Variants in DENND1A observed in about 807,000 individuals in gnomAD.
DENND1A encodes the protein DENN domain-containing protein 1A.
In DENND1A, 51 loss-of-function variants were observed where a neutral mutation model predicts 113.7. The observed-to-expected ratio is 0.45, with a 90% CI of 0.36 to 0.57. DENND1A has a LOEUF of 0.57. Ranked by LOEUF, DENND1A falls within the 20% of genes least tolerant of loss-of-function variation. DENND1A has a pLI of 0.00. For synonymous variants in DENND1A, 565 were observed against 570.8 expected (o/e 0.99, Z 0.14); for missense variants, 1,258 against 1,395.9 (o/e 0.90, Z 1.57).
At chr9:123,521,912 TG>T (rs953529309) in intron 13 of DENND1A, among the ~76,000 whole-genome samples, 6 of 152,204 alleles carry the variant, frequency 3.9e-5, no homozygotes, top group African/African-American at 1.4e-4. Context: ...TGACAACGCA[TG>T]GGAAGTGTCT....
At chr9:123,451,118 A>T (rs1369192105) in intron 17 of DENND1A, among the ~76,000 whole-genome samples, 1 of 152,072 alleles carries the variant, frequency 6.6e-6, no homozygotes, top group Non-Finnish European at 1.5e-5. Context: ...ATTCTATTTC[A>T]CCAGGGCAGG....
chr9:123,564,136 A>T (rs2057918598), intron 12 of DENND1A, among the ~76,000 whole-genome samples: 1 of 152,176 alleles, frequency 6.6e-6, no homozygotes, highest in Non-Finnish European at 1.5e-5. Context: ...TGTTGTATAA[A>T]CCATCATCCT....
chr9:123,563,189 C>T (rs1479733786), intron 12 of DENND1A, among the ~76,000 whole-genome samples: 1 of 152,166 alleles, frequency 6.6e-6, no homozygotes, highest in Admixed American at 6.5e-5. Flanking sequence ...CTGAATGAGT[C>T]AGAGGGAACA....
intron 2 of DENND1A, among the ~76,000 whole-genome samples, chr9:123,804,753 T>C (rs1835257362): frequency 6.6e-6 from 1 of 152,160 alleles, no homozygotes; most frequent in African/African-American, 2.4e-5. Flanking sequence ...ATATTCAAAT[T>C]CTGACCATTT....
rs117537406 is a variant in DENND1A, at chr9:123,525,042, C to G, written c.993+32528G>C. Among the ~76,000 whole-genome samples the G allele has an allele frequency of 8.5e-5, 13 of 152,314 alleles. No individual in the cohort carries two copies. The East Asian group carries it at 1.2e-3, about 14-fold the overall frequency. On this transcript the variant is annotated intron_variant, in intron 13 of 23. Coordinates refer to ENST00000394215, the MANE Select transcript of DENND1A (RefSeq NM_001352964.2). ...CGTTCCATAGCCCTTGGCTCACTAG[C>G]TTCTCTGACTACCTTGGGAAACAGG... is the stretch of plus-strand genomic sequence containing the variant.
chr9:123,748,613 T>C (rs1427647944), intron 5 of DENND1A, among the ~76,000 whole-genome samples: 1 of 152,212 alleles, frequency 6.6e-6, no homozygotes, highest in Non-Finnish European at 1.5e-5. Context: ...CTTAAGAGTG[T>C]AGCTTAGAAG....
At chr9:123,857,421 G>T (rs1301004941) in intron 2 of DENND1A, among the ~76,000 whole-genome samples, 2 of 152,104 alleles carry the variant, frequency 1.3e-5, no homozygotes, top group Admixed American at 1.3e-4. Flanking sequence ...AGTTTAATGA[G>T]AAATGGAATA....
chr9:123,440,771 T>A (rs771002006), intron 18 of DENND1A, among the ~76,000 whole-genome samples: 1 of 152,266 alleles, frequency 6.6e-6, no homozygotes, highest in Non-Finnish European at 1.5e-5. Context: ...CACAGCCATT[T>A]TCATTTTTAT....
intron 19 of DENND1A, among the ~76,000 whole-genome samples, chr9:123,431,390 C>A (rs999887839): frequency 6.6e-6 from 1 of 152,132 alleles, no homozygotes; most frequent in African/African-American, 2.4e-5. Context: ...TTAAGGAGGG[C>A]CTAAGATCTG....
At chr9:123,582,138 C>T (rs998431392) in intron 12 of DENND1A, among the ~76,000 whole-genome samples, 65 of 152,318 alleles carry the variant, frequency 4.3e-4, no homozygotes, top group African/African-American at 1.5e-3. Context: ...CGATACTCTA[C>T]CATGTTCTAG....
chr9:123,483,970 T>C (rs1445044432), intron 13 of DENND1A, among the ~76,000 whole-genome samples: 1 of 152,174 alleles, frequency 6.6e-6, no homozygotes, highest in Non-Finnish European at 1.5e-5. Context: ...AGCAAACGGG[T>C]TAGTGTCTCC....
At chr9:123,425,285 G>C (rs1218385536) in intron 19 of DENND1A, among the ~76,000 whole-genome samples, 1 of 152,208 alleles carries the variant, frequency 6.6e-6, no homozygotes, top group Non-Finnish European at 1.5e-5. Flanking sequence ...TCCCCGGCAG[G>C]GAGCTGGATT....
At chr9:123,866,619 T>C (rs1845827209) in intron 2 of DENND1A, among the ~76,000 whole-genome samples, 1 of 152,190 alleles carries the variant, frequency 6.6e-6, no homozygotes, top group Admixed American at 6.5e-5. Context: ...TGTTTGATTT[T>C]GGTTTGGAGT....
intron 1 of DENND1A, among the ~76,000 whole-genome samples, chr9:123,911,250 A>G (rs1407890455): frequency 2.6e-5 from 4 of 152,236 alleles, no homozygotes; most frequent in Non-Finnish European, 1.5e-5. Flanking sequence ...TTAATGGCTA[A>G]TAATATGGCT....
Position 123,381,690 on chromosome 9 carries a change from C to T in DENND1A, c.2955G>A (p.Leu985=), listed in dbSNP as rs758984905. ...CCCTGGCACTTGAGCGGGCCAGGGG[C>T]AACGTTCGGATCCTCGACGGGGCAA... ...PAVAPSRIRT[L]PLARSSARAA... is the part of the protein sequence containing the mutation. Residue 985 remains leucine (L), a synonymous_variant, in exon 24 of 24, where the codon TTG becomes TTA. Transcript: ENST00000394215. The surrounding 1 kb of genome is among the most constrained non-coding windows in gnomAD (Gnocchi z 4.7). 6.4e-7 allele frequency: 1 copy of T among 1,574,108 alleles called. No individual in the cohort carries two copies. The highest frequency in any genetic ancestry group is 1.9e-5 in the Admixed American group (1 of 53,146).
At chr9:123,676,823 G>C in intron 5 of DENND1A, 34 bp from the exon 6 acceptor site, 1 of 1,598,362 alleles carries the variant, frequency 6.3e-7, no homozygotes, top group Non-Finnish European at 8.6e-7. Context: ...TGAAATATTA[G>C]TATGCAGGTC....
chr9:123,510,631 A>T (rs974922118), intron 13 of DENND1A, among the ~76,000 whole-genome samples: 1 of 152,174 alleles, frequency 6.6e-6, no homozygotes, highest in African/African-American at 2.4e-5. Flanking sequence ...TTTAGACTCC[A>T]TACCACAGGC....
intron 3 of DENND1A, among the ~76,000 whole-genome samples, chr9:123,781,313 G>A (rs1247547024): frequency 6.6e-6 from 1 of 152,134 alleles, no homozygotes; most frequent in Non-Finnish European, 1.5e-5. Flanking sequence ...GGATGCTATG[G>A]CCACCAGAAT....
intron 2 of DENND1A, chr9:123,843,167 G>A (rs1489305150): frequency 3.6e-6 from 2 of 552,370 alleles, no homozygotes; most frequent in Non-Finnish European, 7.3e-6. Context: ...TGACATGGTT[G>A]TGCATATGTT....
Sources: gnomAD v4.1 joint callset for allele counts (sites outside exome capture counted in the v4.1 genomes callset) on GRCh38, gnomAD v4.1.1 for gene constraint, Gnocchi (gnomAD v3.1) non-coding constraint, MANE v1.5 for transcripts, NCBI Gene and HGNC (gene_info 2026-07-23, HGNC 2026-07-21) for gene names.